The following FN1 variants were observed in gnomAD, a reference collection of about 807,000 sequenced individuals.
FN1 encodes the protein fibronectin.
A neutral mutation model predicts 297.3 loss-of-function variants in FN1; 106 were observed. The ratio of observed to expected loss-of-function variants is 0.36; its 90% CI spans 0.30 to 0.42. FN1 has a LOEUF of 0.42. Among genes scored for constraint, FN1 ranks in the 10% least tolerant of loss-of-function variants. The pLI, the probability that FN1 is intolerant of heterozygous loss-of-function variation, is 1.00. For missense variants in FN1, 2,690 were observed against 3,124.9 expected (o/e 0.86, Z 3.32); for synonymous variants, 1,149 against 1,152.6 (o/e 1.00, Z 0.06).
intron 31 of FN1, 110 bp from the exon 32 acceptor site, chr2:215,382,435 G>C (rs2105946685): frequency 2.8e-6 from 2 of 717,266 alleles, no homozygotes; most frequent in East Asian, 5.5e-5. Context: ...ATTTTTATTT[G>C]CAGAATTGTA....
intron 26 of FN1, 31 bp from the exon 27 acceptor site, chr2:215,388,332 C>T (rs1035138010): frequency 9.9e-6 from 15 of 1,509,738 alleles, no homozygotes; most frequent in Non-Finnish European, 1.3e-5. Flanking sequence ...TATTTTAAAA[C>T]TCTGCTCAAA....
chr2:215,427,650 C>T (rs1324126737), intron 6 of FN1, among the ~76,000 whole-genome samples: 1 of 152,142 alleles, frequency 6.6e-6, no homozygotes, highest in African/African-American at 2.4e-5. Context: ...CAAAGTTTGC[C>T]AGAGCATAGA....
intron 42 of FN1, 121 bp downstream of exon 42, chr2:215,367,742 T>C: frequency 1.0e-6 from 1 of 964,972 alleles, no homozygotes; most frequent in Non-Finnish European, 1.6e-6. Flanking sequence ...AACAGTATTC[T>C]CTTGTTTGCT....
chr2:215,364,966 A>C lies in FN1; in HGVS notation c.7164T>G (p.Asp2388Glu). Residue 2388 changes from aspartate (D) to glutamate (E), a missense_variant, in exon 44 of 46, where the codon GAT becomes GAG. Around this residue, in one of 3 missense-constraint regions of FN1, gnomAD observed 1,743 missense variants for 1,945.2 expected, o/e 0.90. Coordinates refer to ENST00000354785, the MANE Select transcript of FN1 (RefSeq NM_212482.4). ...KCDPHEATCY[D>E]DGKTYHVGEQ... ...CTCCTACGTGGTATGTCTTCCCATC[A>C]TCATAACACGTTGCCTCATCTGCAT... 1 of 1,579,148 alleles carries C rather than the reference A, an allele frequency of 6.3e-7. No individual in the cohort carries two copies. The highest frequency in any genetic ancestry group is 8.6e-7 in the Non-Finnish European group (1 of 1,160,962).
Position 215,382,352 on chromosome 2 carries a change from A to G in FN1, c.5051-27T>C, listed in dbSNP as rs562496464. ...TGCAAAGGGAGTGAAAAGCAAATGC[A>G]ACATCCACGTCATCCACTATAAAGT... On this transcript the variant is annotated intron_variant, in intron 31 of 45. Transcript: ENST00000354785. The G allele has an allele frequency of 2.9e-5, 41 of 1,419,518 alleles. No individual in the cohort carries two copies. In the South Asian group the frequency reaches 3.9e-4, roughly 14 times the overall value. 87.9% of individuals were successfully genotyped at this position (1,419,518 alleles called of 1,614,324 possible). A position where few individuals can be genotyped will look rare whatever the true frequency, so the allele number is the denominator to read the frequency against.
intron 3 of FN1, 69 bp from the exon 4 acceptor site, chr2:215,432,033 C>G (rs554005871): frequency 6.3e-7 from 1 of 1,595,604 alleles, no homozygotes; most frequent in East Asian, 2.2e-5. Context: ...TCATATTCCA[C>G]CCATGGTAGG....
Position 215,361,949 on chromosome 2 carries a change from T to C in FN1, c.7362+20A>G, listed in dbSNP as rs768945288. On this transcript the variant is annotated intron_variant, in intron 45 of 45. Transcript: ENST00000354785. ...ACTGTCTAGTATGAGGGAACACACT[T>C]GTGCTGCTAATGCACTTACAGTGTT... 5 of 1,611,964 alleles carry C rather than the reference T, an allele frequency of 3.1e-6. No individual in the cohort carries two copies. The South Asian group carries it at 3.3e-5, about 11-fold the overall frequency.
chr2:215,366,909 G>GT (rs1227457080), intron 42 of FN1, among the ~76,000 whole-genome samples: 2 of 152,182 alleles, frequency 1.3e-5, no homozygotes, highest in East Asian at 3.8e-4. Flanking sequence ...AGCATGTGAT[G>GT]TTTTTAGTGT....
intron 38 of FN1, among the ~76,000 whole-genome samples, chr2:215,374,094 A>G (rs926673921): frequency 1.3e-5 from 2 of 152,194 alleles, no homozygotes; most frequent in Non-Finnish European, 2.9e-5. Context: ...CCTGCAGATT[A>G]TATACATGAA....
In FN1 at chr2:215,435,694, C is replaced by G; in HGVS notation, c.109G>C (p.Val37Leu). 2 of 1,613,282 alleles carry G rather than the reference C, an allele frequency of 1.2e-6. No individual in the cohort carries two copies. The highest frequency in any genetic ancestry group is 8.5e-7 in the Non-Finnish European group (1 of 1,179,898). ...ACAGCCACCGGGGACTGGGGCTGAA[C>G]CATTTGCTGAGCCTGCCTCTTGCTC... ...SKSKRQAQQM[V>L]QPQSPVAVSQ... Residue 37 changes from valine (V) to leucine (L), a missense_variant, in exon 1 of 46, where the codon GTT (valine) becomes CTT (leucine). By Grantham distance (32) the Val-to-Leu change is conservative (BLOSUM62 1). Coordinates refer to ENST00000354785, the MANE Select transcript of FN1 (RefSeq NM_212482.4).
chr2:215,363,433 C>G (rs1432446722), intron 44 of FN1: 2 of 152,126 alleles, frequency 1.3e-5, no homozygotes, highest in Non-Finnish European at 2.9e-5. Context: ...AAATTCCAAT[C>G]TCCAATTCTC....
intron 11 of FN1, among the ~76,000 whole-genome samples, chr2:215,420,140 G>C (rs2064026011): frequency 6.6e-6 from 1 of 152,092 alleles, no homozygotes; most frequent in South Asian, 2.1e-4. Flanking sequence ...GTGAGTTTGA[G>C]ACCAGCCTGA....
In FN1 at chr2:215,401,261, A is replaced by G. The variant is rs868283315; in HGVS notation, c.3254-1910T>C. 2.4e-3 allele frequency among the ~76,000 whole-genome samples: 167 copies of G among 70,350 alleles called. 10 individuals are homozygous for G. The highest frequency in any genetic ancestry group is 9.9e-3 in the African/African-American group (147 of 14,780). 46.2% of individuals were successfully genotyped at this position (70,350 alleles called of 152,430 possible). A position where few individuals can be genotyped will look rare whatever the true frequency, so the allele number is the denominator to read the frequency against. On this transcript the variant is annotated intron_variant, in intron 20 of 45. Transcript: ENST00000354785. Reference sequence around the variant, plus strand: ...AAGAAAGAAAGAAAGGAAGAAAGAAAGGAAGGAAAGGAAAGGAAAGGAAGA... The same window carrying G: ...AAGAAAGAAAGAAAGGAAGAAAGAAGGGAAGGAAAGGAAAGGAAAGGAAGA...
At chr2:215,387,057 C>T in intron 27 of FN1, 99 bp from the exon 28 acceptor site, 1 of 1,068,400 alleles carries the variant, frequency 9.4e-7, no homozygotes. Flanking sequence ...GTACATCCAA[C>T]ATTTCGTTCC....
In FN1 at chr2:215,404,310, T is replaced by TTG. The variant is rs2061493766; in HGVS notation, c.3253+78_3253+79insCA. On this transcript the variant is annotated intron_variant, in intron 20 of 45. Transcript: ENST00000354785. ...ACTAATTTTTTAATGTTTTTTTTGT[T>TTG]TTGTTTTGTTTTGTTTTAAAGCATG... 22 of 1,343,100 alleles carry TTG rather than the reference T, an allele frequency of 1.6e-5. No homozygotes were observed. The East Asian group carries it at 3.4e-4, about 21-fold the overall frequency. 83.2% of individuals were successfully genotyped at this position (1,343,100 alleles called of 1,614,324 possible). A position where few individuals can be genotyped will look rare whatever the true frequency, so the allele number is the denominator to read the frequency against.
chr2:215,381,926 T>C, intron 32 of FN1: 1 of 391,974 alleles, frequency 2.6e-6, no homozygotes, highest in South Asian at 2.2e-5. Context: ...AGGAAAATTT[T>C]TTGTAGATTT....
At chr2:215,399,384 C>T in intron 20 of FN1, 33 bp from the exon 21 acceptor site, 1 of 1,421,688 alleles carries the variant, frequency 7.0e-7, no homozygotes, top group Non-Finnish European at 1.0e-6. Flanking sequence ...ATATTCAAAA[C>T]TCAAACTCAC....
At chr2:215,430,573 T>C (rs1183860133) in intron 5 of FN1, 142 bp downstream of exon 5, 1 of 894,912 alleles carries the variant, frequency 1.1e-6, no homozygotes, top group Non-Finnish European at 1.8e-6. Flanking sequence ...AAGTTGGTTA[T>C]GAAAGTTTTC....
At chr2:215,361,745 C>T in intron 45 of FN1, 119 bp from the exon 46 acceptor site, 3 of 1,020,996 alleles carry the variant, frequency 2.9e-6, no homozygotes, top group South Asian at 1.3e-5. Context: ...AATATTTCTT[C>T]CTAGTTTCAA....
Sources: allele counts gnomAD v4.1 joint callset (sites outside exome capture counted in the v4.1 genomes callset), GRCh38; gene constraint gnomAD v4.1.1; regional missense constraint gnomAD v4.1.1; transcripts MANE v1.5; gene names NCBI Gene and HGNC (gene_info 2026-07-23, HGNC 2026-07-21).